KIAA0586: variants seen among roughly 807,000 people sequenced by gnomAD.
The protein encoded by KIAA0586 is KIAA0586.
A neutral mutation model predicts 169.8 loss-of-function variants in KIAA0586; 144 were observed. The ratio of observed to expected loss-of-function variants is 0.85; its 90% CI spans 0.74 to 0.97. KIAA0586 has a LOEUF of 0.97. Ranked by LOEUF, KIAA0586 falls within the 50% of genes least tolerant of loss-of-function variation. The pLI is 0.00. For synonymous variants in KIAA0586, 625 were observed against 612.4 expected, an observed-to-expected ratio of 1.02 and a Z score of -0.30; for missense variants, 1,854 against 1,823.0, an observed-to-expected ratio of 1.02 and a Z score of -0.31.
chr14:58,476,061 G>A (rs2041595606), intron 19 of KIAA0586, among the ~76,000 whole-genome samples: 1 of 152,178 alleles, frequency 6.6e-6, no homozygotes, highest in Non-Finnish European at 1.5e-5. Flanking sequence ...CTGTGCCACT[G>A]CACTCCAGAC....
intron 30 of KIAA0586, among the ~76,000 whole-genome samples, chr14:58,545,322 A>G (rs1294606828): frequency 1.3e-5 from 2 of 152,228 alleles, no homozygotes; most frequent in African/African-American, 4.8e-5. Context: ...TGAGACTTGG[A>G]AACTTCTAGG....
At chr14:58,457,692 T>A in intron 10 of KIAA0586, 67 bp from the exon 11 acceptor site, 1 of 978,492 alleles carries the variant, frequency 1.0e-6, no homozygotes, top group Non-Finnish European at 1.5e-6. Context: ...ACAATAGTGA[T>A]AGCTGTTATT....
intron 17 of KIAA0586, among the ~76,000 whole-genome samples, chr14:58,471,800 T>G (rs956964039): frequency 1.3e-5 from 2 of 151,848 alleles, no homozygotes; most frequent in Non-Finnish European, 2.9e-5. Flanking sequence ...GACTATTTTG[T>G]TTTTTTTCCT....
chr14:58,512,628 G>T lies in KIAA0586; in HGVS notation c.4429+1G>T. 3 of 1,413,910 alleles carry T rather than the reference G, an allele frequency of 2.1e-6. No individual in the cohort carries two copies. Among genetic ancestry groups the T allele is most frequent in the Non-Finnish European group, 2.9e-6 (3 of 1,050,234 alleles). The allele number at this position is 1,413,910 out of a possible 1,614,324, so 87.6% of individuals were successfully genotyped here. A position where few individuals can be genotyped will look rare whatever the true frequency, so the allele number is the denominator to read the frequency against. ...GATATTGCACCTTCACAGCAACAAG[G>T]TAAGACTTGTTTTTATGTAATAATA... On this transcript the variant is annotated splice_donor_variant, in intron 29 of 30. Transcript: ENST00000652326. LOFTEE classifies it high-confidence loss of function.
chr14:58,513,961 T>C (rs1206886422), intron 29 of KIAA0586, among the ~76,000 whole-genome samples: 1 of 152,068 alleles, frequency 6.6e-6, no homozygotes, highest in East Asian at 1.9e-4. Context: ...CAGTTGGATT[T>C]AATACATTTG....
intron 28 of KIAA0586, among the ~76,000 whole-genome samples, chr14:58,509,300 G>A (rs77238450): frequency 0.051 from 7,809 of 152,226 alleles, 268 homozygotes; most frequent in South Asian, 0.11. Context: ...CTCTGTATCT[G>A]CATGCAATAC....
In KIAA0586 at chr14:58,465,765, A is replaced by G; in HGVS notation, c.2060-70A>G. ...AGATTTTTCTGTGAAGAGCTGTTGT[A>G]TTTCTAGATGTCTGGATAGTAGATA... On this transcript the variant is annotated intron_variant, in intron 14 of 30. Coordinates refer to ENST00000652326, the MANE Select transcript of KIAA0586 (RefSeq NM_001329943.3). The G allele has an allele frequency of 1.3e-5, 12 of 958,394 alleles. No homozygotes were observed. The South Asian group carries it at 1.4e-4, about 11-fold the overall frequency. 59.4% of individuals were successfully genotyped at this position (958,394 alleles called of 1,614,324 possible).
intron 28 of KIAA0586, among the ~76,000 whole-genome samples, chr14:58,510,136 T>G (rs1456346613): frequency 1.3e-5 from 2 of 152,154 alleles, no homozygotes; most frequent in African/African-American, 4.8e-5. Flanking sequence ...TTTGGGAGGC[T>G]GAGGCAGGTG....
chr14:58,433,751 C>T (rs536079521), intron 4 of KIAA0586, among the ~76,000 whole-genome samples: 43 of 152,286 alleles, frequency 2.8e-4, no homozygotes, highest in Non-Finnish European at 4.7e-4. Flanking sequence ...CATGGTGGCT[C>T]ATGCCTGTAG....
In KIAA0586 at chr14:58,522,077, C is replaced by T. The variant is rs1349436844; in HGVS notation, c.4429+9450C>T. ...ATCAAATTTTTCACCAGATCCTCTC[C>T]CATGGTATCTTCAGCACATGCTCAC... On this transcript the variant is annotated intron_variant, in intron 29 of 30. Coordinates refer to ENST00000652326, the MANE Select transcript of KIAA0586 (RefSeq NM_001329943.3). 12 of 751,570 alleles carry T rather than the reference C, an allele frequency of 1.6e-5. No homozygotes were observed. The African/African-American group carries it at 1.9e-4, about 12-fold the overall frequency. The allele number at this position is 751,570 out of a possible 1,614,324, so 46.6% of individuals were successfully genotyped here.
At chr14:58,457,378 C>T (rs1303944116) in intron 10 of KIAA0586, among the ~76,000 whole-genome samples, 1 of 152,166 alleles carries the variant, frequency 6.6e-6, no homozygotes, top group Non-Finnish European at 1.5e-5. Flanking sequence ...AGCAATTCTT[C>T]TACCTCAGCC....
intron 18 of KIAA0586, among the ~76,000 whole-genome samples, chr14:58,472,622 G>A (rs1351893897): frequency 6.6e-6 from 1 of 151,458 alleles, no homozygotes; most frequent in Non-Finnish European, 1.5e-5. Context: ...TTCATGGTGA[G>A]GTGACTAGTT....
intron 14 of KIAA0586, among the ~76,000 whole-genome samples, chr14:58,464,586 A>G (rs1053639540): frequency 6.6e-6 from 1 of 152,184 alleles, no homozygotes; most frequent in Non-Finnish European, 1.5e-5. Flanking sequence ...CATAAAGTCA[A>G]ATTTTTAATA....
Position 58,459,967 on chromosome 14 carries a change from C to G in KIAA0586, c.1781C>G (p.Ser594Cys), listed in dbSNP as rs964214414. 4 of 1,533,780 alleles carry G rather than the reference C, an allele frequency of 2.6e-6. No individual in the cohort carries two copies. In the Admixed American group the frequency reaches 7.9e-5, roughly 30 times the overall value. ...ACACAAGATAAAACTGTCAACAAAT[C>G]TGTAATTCCAAGAAAACATTCTCAA... Reference protein sequence around the residue: ...TNTQDKTVNKSVIPRKHSQKQ... With the variant: ...TNTQDKTVNKCVIPRKHSQKQ... Residue 594 changes from serine (S) to cysteine (C), a missense_variant, in exon 13 of 31, where the codon TCT becomes TGT. Transcript: ENST00000652326.
Position 58,501,610 on chromosome 14 carries a change from A to G in KIAA0586, c.4168+2650A>G, listed in dbSNP as rs199597634. Among the ~76,000 whole-genome samples, 6 of 152,304 alleles carry G rather than the reference A, an allele frequency of 3.9e-5. No homozygotes were observed. The East Asian group carries it at 9.7e-4, about 25-fold the overall frequency. On this transcript the variant is annotated intron_variant, in intron 27 of 30. Transcript: ENST00000652326. ...TTTTAATCTTAGGTACATTGTAGGT[A>G]TTTAATTGGAAAAAATAAGTAATAT...
chr14:58,536,985 C>G, intron 29 of KIAA0586: 2 of 1,244,882 alleles, frequency 1.6e-6, no homozygotes, highest in Non-Finnish European at 2.1e-6. Context: ...ACTTCAATAC[C>G]AGTATTATGT....
chr14:58,470,854 A>G, intron 17 of KIAA0586, 131 bp downstream of exon 17: 1 of 559,160 alleles, frequency 1.8e-6, no homozygotes, highest in Non-Finnish European at 3.1e-6. Flanking sequence ...AAGATTGAAA[A>G]CAATTTTTTT....
the KIAA0586 span, among the ~76,000 whole-genome samples, chr14:58,557,766 A>G: frequency 6.6e-6 from 1 of 152,090 alleles, no homozygotes; most frequent in African/African-American, 2.4e-5. Flanking sequence ...TGTTTGGCAT[A>G]GTTAGGGATA....
At chr14:58,488,990 A>G in intron 24 of KIAA0586, 116 bp downstream of exon 24, 1 of 1,127,710 alleles carries the variant, frequency 8.9e-7, no homozygotes, top group Non-Finnish European at 1.3e-6. Flanking sequence ...GGTATAGTAG[A>G]AAGAATAGGG....
Sources: allele counts gnomAD v4.1 joint callset (sites outside exome capture counted in the v4.1 genomes callset), GRCh38; gene constraint gnomAD v4.1.1; transcripts MANE v1.5; gene names NCBI Gene and HGNC (gene_info 2026-07-23, HGNC 2026-07-21).